TENM3: variants seen among roughly 807,000 people sequenced by gnomAD.
TENM3 encodes teneurin transmembrane protein 3.
In TENM3, 63 loss-of-function variants were observed where a neutral mutation model predicts 255.1. That is an observed-to-expected ratio of 0.25 (90% CI 0.20 to 0.30). TENM3 has a LOEUF of 0.30. Ranked by LOEUF, TENM3 falls within the 10% of genes least tolerant of loss-of-function variation. The probability of loss-of-function intolerance (pLI) is 1.00; values close to 1 mark genes in which losing one functional copy is unlikely to be tolerated. For missense variants in TENM3, 2,929 were observed against 3,461.1 expected, an observed-to-expected ratio of 0.85 and a Z score of 3.86; for synonymous variants, 1,306 against 1,322.3, an observed-to-expected ratio of 0.99 and a Z score of 0.27.
At chr4:182,514,197 A>G (rs1023221243) in intron 3 of TENM3, among the ~76,000 whole-genome samples, 10 of 152,330 alleles carry the variant, frequency 6.6e-5, no homozygotes, top group African/African-American at 2.4e-4. Flanking sequence ...TTTTTAAACT[A>G]AATGTTGTGC....
chr4:182,662,719 C>T (rs941220495), intron 6 of TENM3, among the ~76,000 whole-genome samples: 1 of 152,060 alleles, frequency 6.6e-6, no homozygotes, highest in Non-Finnish European at 1.5e-5. Context: ...CTTCTGTGTC[C>T]AGGCTTTTAT....
chr4:181,840,926 C>T, the TENM3 span, among the ~76,000 whole-genome samples: 53 of 152,244 alleles, frequency 3.5e-4, no homozygotes, highest in African/African-American at 1.3e-3. Flanking sequence ...TCTGCACTGA[C>T]TATATTTGAA....
upstream of TENM3, among the ~76,000 whole-genome samples, chr4:182,140,838 T>A (rs943727041): frequency 6.6e-6 from 1 of 152,162 alleles, no homozygotes; most frequent in Non-Finnish European, 1.5e-5. Context: ...AGGTGTCACC[T>A]TCAGGTGGGC....
At chr4:182,128,107 G>C in the TENM3 span, among the ~76,000 whole-genome samples, 1 of 151,798 alleles carries the variant, frequency 6.6e-6, no homozygotes, top group Non-Finnish European at 1.5e-5. Context: ...TATTAATGAT[G>C]TTTCACTTTT....
At chr4:181,698,885 CTGATA>C in the TENM3 span, among the ~76,000 whole-genome samples, 2 of 152,196 alleles carry the variant, frequency 1.3e-5, no homozygotes, top group Non-Finnish European at 2.9e-5. Flanking sequence ...TAAGTTCCCT[CTGATA>C]TAAGTCATAG....
chr4:181,904,003 T>C, the TENM3 span, among the ~76,000 whole-genome samples: 1 of 152,186 alleles, frequency 6.6e-6, no homozygotes, highest in Non-Finnish European at 1.5e-5. Context: ...ACTCCAGATG[T>C]GTATCTAACT....
chr4:181,615,964 CTAAT>C, the TENM3 span, among the ~76,000 whole-genome samples: 1 of 152,106 alleles, frequency 6.6e-6, no homozygotes, highest in Non-Finnish European at 1.5e-5. Flanking sequence ...CCAGTGGTAA[CTAAT>C]AGTCTCATTT....
rs549299222 is a variant in TENM3 at position 182,171,637 on chromosome 4, T to G, written c.-76+26883T>G. On this transcript the variant is annotated intron_variant, in intron 1 of 2. Coordinates refer to the TENM3 transcript ENST00000512480. ...ACTTAAAATTTATAACCCAGATAGATTGGTTGTAATGCACAACATAGTTCA... is the reference window on the plus strand; with the variant it reads ...ACTTAAAATTTATAACCCAGATAGAGTGGTTGTAATGCACAACATAGTTCA... Among the ~76,000 whole-genome samples, 5 of 152,308 alleles carry G rather than the reference T, an allele frequency of 3.3e-5. No homozygotes were observed. In the South Asian group the frequency reaches 1.0e-3, roughly 32 times the overall value.
chr4:182,622,179 A>G (rs1433700344), intron 4 of TENM3, among the ~76,000 whole-genome samples: 3 of 151,842 alleles, frequency 2.0e-5, no homozygotes, highest in Non-Finnish European at 2.9e-5. Flanking sequence ...GGCCAACATG[A>G]TGAAACCTCG....
chr4:181,972,263 AT>A, the TENM3 span, among the ~76,000 whole-genome samples: 1 of 151,766 alleles, frequency 6.6e-6, no homozygotes, highest in African/African-American at 2.4e-5. Flanking sequence ...CTCTACAAAT[AT>A]AAAAATTAGC....
At chr4:182,436,663 A>G (rs1461528977) in intron 3 of TENM3, among the ~76,000 whole-genome samples, 3 of 152,202 alleles carry the variant, frequency 2.0e-5, no homozygotes, top group African/African-American at 4.8e-5. Context: ...AATTTAATAA[A>G]CATATGATAA....
the TENM3 span, among the ~76,000 whole-genome samples, chr4:181,603,029 C>T: frequency 6.6e-6 from 1 of 152,138 alleles, no homozygotes; most frequent in Admixed American, 6.5e-5. Flanking sequence ...TGTGCGGTGC[C>T]ACCTGCTGAA....
chr4:182,128,656 T>C, the TENM3 span, among the ~76,000 whole-genome samples: 6 of 152,238 alleles, frequency 3.9e-5, no homozygotes, highest in African/African-American at 1.4e-4. Flanking sequence ...TCCTGCGGTA[T>C]AACACTAAGA....
At chr4:181,823,915 T>C in the TENM3 span, among the ~76,000 whole-genome samples, 1 of 152,244 alleles carries the variant, frequency 6.6e-6, no homozygotes, top group Non-Finnish European at 1.5e-5. Context: ...TGCCCTTGAT[T>C]GTGCACAAAT....
At chr4:182,759,473 G>C (rs970071115) in intron 22 of TENM3, among the ~76,000 whole-genome samples, 2 of 152,118 alleles carry the variant, frequency 1.3e-5, no homozygotes, top group Non-Finnish European at 2.9e-5. Flanking sequence ...AAATGTTAAC[G>C]TTGCCCATTT....
chr4:181,834,265 A>G, the TENM3 span, among the ~76,000 whole-genome samples: 4 of 152,186 alleles, frequency 2.6e-5, no homozygotes, highest in African/African-American at 9.7e-5. Flanking sequence ...CATTTTCAAC[A>G]ACACATTTTG....
chr4:181,707,460 C>G, the TENM3 span, among the ~76,000 whole-genome samples: 1 of 152,160 alleles, frequency 6.6e-6, no homozygotes, highest in African/African-American at 2.4e-5. Flanking sequence ...ATAATATAAT[C>G]TAGAATTATT....
chr4:182,161,109 T>C (rs1455592943), intron 1 of TENM3, among the ~76,000 whole-genome samples: 2 of 150,806 alleles, frequency 1.3e-5, no homozygotes, highest in Non-Finnish European at 2.9e-5. Context: ...TGAAACCCCG[T>C]CTCTAGTAAA....
chr4:182,241,004 C>T (rs1221381709), upstream of TENM3, among the ~76,000 whole-genome samples: 2 of 152,204 alleles, frequency 1.3e-5, no homozygotes, highest in African/African-American at 4.8e-5. Flanking sequence ...TCACCACCTA[C>T]AGCCTCAAGG....
Sources: allele counts gnomAD v4.1 joint callset (sites outside exome capture counted in the v4.1 genomes callset), GRCh38; gene constraint gnomAD v4.1.1; transcripts MANE v1.5; gene names NCBI Gene and HGNC (gene_info 2026-07-23, HGNC 2026-07-21).